Variants in TMEM223 observed in about 807,000 individuals in gnomAD.
The protein encoded by TMEM223 is transmembrane protein 223.
In TMEM223, 14 loss-of-function variants were observed where a neutral mutation model predicts 14.1. That is an observed-to-expected ratio of 0.99 (90% confidence interval 0.66 to 1.55). The LOEUF is 1.55. Ranked by LOEUF, TMEM223 falls within the 40% of genes most tolerant of loss-of-function variation. The pLI is 0.00. For synonymous variants in TMEM223, 145 were observed against 120.5 expected (o/e 1.20, Z -1.33); for missense variants, 346 against 269.9 (o/e 1.28, Z -1.97).
intron 1 of TMEM223, among the ~76,000 whole-genome samples, chr11:62,780,609 T>C (rs2084221607): frequency 6.6e-6 from 1 of 151,866 alleles, no homozygotes; most frequent in Admixed American, 6.6e-5. Flanking sequence ...ATGTTTACTG[T>C]AGAAGTACAT....
At chr11:62,775,778 G>A (rs372861774) in intron 1 of TMEM223, 3 of 1,604,616 alleles carry the variant, frequency 1.9e-6, no homozygotes, top group Non-Finnish European at 2.5e-6. Flanking sequence ...CAGCTCCACT[G>A]GGGCCATGTC....
At chr11:62,775,602 C>T in intron 1 of TMEM223, 1 of 664,668 alleles carries the variant, frequency 1.5e-6, no homozygotes, top group South Asian at 2.1e-5. Context: ...ACCCACTGGC[C>T]AGTCTGTTTC....
rs187660160 is a variant in TMEM223 at position 62,777,008 on chromosome 11, G to A, written c.315-2343C>T. 8.6e-3 allele frequency among the ~76,000 whole-genome samples: 1,313 copies of A among 152,088 alleles called. 8 individuals are homozygous for A. The highest frequency in any genetic ancestry group is 0.031 in the South Asian group (148 of 4,814). On this transcript the variant is annotated intron_variant, in intron 1 of 2. Transcript: ENST00000528367. Reference sequence around the variant, plus strand: ...CTAAAAATACAAAAATTAGCTGGCCGTGGCGGTGGGCGCCTGTAACCCCAG... The same window carrying A: ...CTAAAAATACAAAAATTAGCTGGCCATGGCGGTGGGCGCCTGTAACCCCAG...
chr11:62,781,256 AAGAAAC>A (rs2084227465), intron 1 of TMEM223, among the ~76,000 whole-genome samples: 1 of 151,786 alleles, frequency 6.6e-6, no homozygotes, highest in Non-Finnish European at 1.5e-5. Flanking sequence ...AAAAAAGAAA[AAGAAAC>A]TGAAAAGTCT....
intron 1 of TMEM223, chr11:62,776,020 A>G: frequency 6.9e-7 from 1 of 1,447,524 alleles, no homozygotes; most frequent in Non-Finnish European, 9.3e-7. Context: ...TCAAGTGTAC[A>G]CTGGGTGCCT....
At chr11:62,786,135 G>T (rs577160360), downstream of TMEM223, 2 of 1,220,582 alleles carry the variant, frequency 1.6e-6, no homozygotes, top group African/African-American at 3.0e-5. Context: ...ATGCCAATCA[G>T]GGAATTTAGG....
intron 1 of TMEM223, chr11:62,777,998 A>T: frequency 1.2e-6 from 2 of 1,614,154 alleles, no homozygotes; most frequent in Non-Finnish European, 1.7e-6. Flanking sequence ...GTTACGGATC[A>T]CAGGAGGCAC....
chr11:62,787,729 T>G, downstream of TMEM223: 4 of 693,570 alleles, frequency 5.8e-6, no homozygotes, highest in Non-Finnish European at 4.8e-6. Context: ...ACTTCGAAGT[T>G]GTCCCCTCGC....
chr11:62,771,250 G>C (rs2084144240), downstream of TMEM223: 1 of 152,278 alleles, frequency 6.6e-6, no homozygotes, highest in Non-Finnish European at 1.5e-5. Flanking sequence ...TTAAGAAGCG[G>C]GAATCTTCAG....
At chr11:62,784,143 C>G (rs1415227857), downstream of TMEM223, among the ~76,000 whole-genome samples, 1 of 145,754 alleles carries the variant, frequency 6.9e-6, no homozygotes, top group African/African-American at 2.5e-5. Flanking sequence ...GCACGCACCA[C>G]CAGGGCCAGT....
chr11:62,789,354 T>A (rs781240618), downstream of TMEM223: 1 of 1,613,854 alleles, frequency 6.2e-7, no homozygotes, highest in African/African-American at 1.3e-5. Context: ...CTGGTCTTGG[T>A]GTCTGCCTGT....
exon 3 of TMEM223, chr11:62,771,876 A>G (rs1328344972): frequency 3.3e-6 from 1 of 305,596 alleles, no homozygotes; most frequent in Non-Finnish European, 6.5e-6. Flanking sequence ...CTCCCATTTT[A>G]CAGATAGGGA....
Position 62,790,490 on chromosome 11 carries a change from G to A in TMEM223, c.*133C>T. 1 of 777,768 alleles carries A rather than the reference G, an allele frequency of 1.3e-6. No individual in the cohort carries two copies. The highest frequency in any genetic ancestry group is 2.0e-5 in the South Asian group (1 of 49,268). 48.2% of individuals were successfully genotyped at this position (777,768 alleles called of 1,614,324 possible). A position where few individuals can be genotyped will look rare whatever the true frequency, so the allele number is the denominator to read the frequency against. On this transcript the variant is annotated 3_prime_UTR_variant, in exon 2 of 2. Transcript: ENST00000307366. ...AAGGTCTCGCTATGTTGCCCAGCCT[G>A]GGCTCGAGCAGTGCTCCTGCCTCAC...
At position 62,790,367 on chromosome 11, in the gene TMEM223, TTTG is replaced by T. The variant is rs1257403728; in HGVS notation, c.*253_*255del. 5.4e-6 allele frequency: 3 copies of T among 551,908 alleles called. No individual in the cohort carries two copies. The highest frequency in any genetic ancestry group is 3.8e-5 in the African/African-American group (2 of 52,794). The allele number at this position is 551,908 out of a possible 1,614,324, so 34.2% of individuals were successfully genotyped here. On this transcript the variant is annotated 3_prime_UTR_variant, in exon 2 of 2. Coordinates refer to ENST00000307366, the MANE Select transcript of TMEM223 (RefSeq NM_001080501.3). The stretch of plus-strand genomic sequence containing the variant: ...TGCCCTAGGGATGACTGCTCCTTTA[TTTG>T]TTGTTAATGAATCTTGACCTCCTTG...
chr11:62,790,069 G>A lies in TMEM223; in HGVS notation c.*554C>T, dbSNP rs1350711034. The A allele has an allele frequency of 3.1e-5, 50 of 1,587,386 alleles. No homozygotes were observed. The highest frequency in any genetic ancestry group is 3.9e-5 in the Non-Finnish European group (45 of 1,165,880). On this transcript the variant is annotated 3_prime_UTR_variant, in exon 2 of 2. Transcript: ENST00000307366. ...CTGAAGAATAAGCGGAGTGCTTCCTGCAGCCGAAGACTCCATGCCCAAGTG... is the reference window on the plus strand; with the variant it reads ...CTGAAGAATAAGCGGAGTGCTTCCTACAGCCGAAGACTCCATGCCCAAGTG...
At chr11:62,772,371 A>C (rs2084155014) in intron 2 of TMEM223, among the ~76,000 whole-genome samples, 2 of 151,914 alleles carry the variant, frequency 1.3e-5, no homozygotes, top group African/African-American at 2.4e-5. Flanking sequence ...AAAATACAAA[A>C]AATTAGCTGG....
At chr11:62,785,080 T>G (rs1222961921), downstream of TMEM223, among the ~76,000 whole-genome samples, 1 of 152,150 alleles carries the variant, frequency 6.6e-6, no homozygotes, top group African/African-American at 2.4e-5. Flanking sequence ...TTGGTTTAAG[T>G]GATCCTTTGG....
chr11:62,786,645 C>G (rs1040833191), downstream of TMEM223: 7 of 1,603,806 alleles, frequency 4.4e-6, no homozygotes, highest in Non-Finnish European at 6.0e-6. Flanking sequence ...AAGAGTCGTC[C>G]TCCGGGGGCG....
rs2084180290 is a variant in TMEM223, at chr11:62,775,605, T to C, written c.315-940A>G. The stretch of plus-strand genomic sequence containing the variant: ...TCACCGTTCTTGACCCACTGGCCAG[T>C]CTGTTTCCTTCTCTGAGCCTCACTT... On this transcript the variant is annotated intron_variant, in intron 1 of 2. Transcript: ENST00000528367. 3 of 686,998 alleles carry C rather than the reference T, an allele frequency of 4.4e-6. No homozygotes were observed. The South Asian group carries it at 6.1e-5, about 14-fold the overall frequency. 42.6% of individuals were successfully genotyped at this position (686,998 alleles called of 1,614,324 possible). A position where few individuals can be genotyped will look rare whatever the true frequency, so the allele number is the denominator to read the frequency against.
Sources: allele counts gnomAD v4.1 joint callset (sites outside exome capture counted in the v4.1 genomes callset), GRCh38; gene constraint gnomAD v4.1.1; transcripts MANE v1.5; gene names NCBI Gene and HGNC (gene_info 2026-07-23, HGNC 2026-07-21).